Variants in SPAG16 observed in about 807,000 individuals in gnomAD.
The protein encoded by SPAG16 is sperm-associated antigen 16 protein.
SPAG16 carries 86 observed loss-of-function variants against 80.4 expected under a neutral mutation model. That is an observed-to-expected ratio of 1.07 (90% confidence interval 0.90 to 1.28). The LOEUF is 1.28. Ranked by LOEUF, SPAG16 falls within the 50% of genes most tolerant of loss-of-function variation. The pLI, the probability that SPAG16 is intolerant of heterozygous loss-of-function variation, is 0.00. For missense variants in SPAG16, 870 were observed against 765.3 expected, an observed-to-expected ratio of 1.14 and a Z score of -1.61; for synonymous variants, 294 against 265.9, an observed-to-expected ratio of 1.11 and a Z score of -1.03.
intron 10 of SPAG16, among the ~76,000 whole-genome samples, chr2:213,668,335 A>G (rs1052958296): frequency 1.3e-5 from 2 of 151,462 alleles, no homozygotes; most frequent in African/African-American, 4.9e-5. Flanking sequence ...TTTGAAATAC[A>G]TAGACTATTG....
chr2:214,196,048 A>T (rs2057827498), intron 15 of SPAG16, among the ~76,000 whole-genome samples: 1 of 151,988 alleles, frequency 6.6e-6, no homozygotes, highest in African/African-American at 2.4e-5. Flanking sequence ...CAGAACCAGA[A>T]TCGCCCATAT....
intron 7 of SPAG16, among the ~76,000 whole-genome samples, chr2:213,356,436 G>T (rs956708922): frequency 6.6e-6 from 1 of 152,190 alleles, no homozygotes; most frequent in East Asian, 1.9e-4. Context: ...CCTGTGATTG[G>T]TCAATTCAGA....
At chr2:213,780,812 T>C (rs1399683399) in intron 10 of SPAG16, among the ~76,000 whole-genome samples, 2 of 152,148 alleles carry the variant, frequency 1.3e-5, no homozygotes, top group African/African-American at 4.8e-5. Context: ...TTATAAATAC[T>C]TGGCTATCTA....
At chr2:214,029,889 C>T (rs1285788444) in intron 13 of SPAG16, among the ~76,000 whole-genome samples, 1 of 152,142 alleles carries the variant, frequency 6.6e-6, no homozygotes, top group Non-Finnish European at 1.5e-5. Context: ...TGAATTTGGA[C>T]ATATGCATAA....
At chr2:213,548,396 A>T (rs938908231) in intron 10 of SPAG16, among the ~76,000 whole-genome samples, 6 of 152,074 alleles carry the variant, frequency 3.9e-5, no homozygotes, top group Non-Finnish European at 5.9e-5. Flanking sequence ...TATTTTTAGT[A>T]GAGACGGGGT....
At chr2:213,971,121 A>G (rs1365559702) in intron 12 of SPAG16, among the ~76,000 whole-genome samples, 1 of 152,186 alleles carries the variant, frequency 6.6e-6, no homozygotes, top group Admixed American at 6.5e-5. Flanking sequence ...TTCTTCCACT[A>G]AAGTTATATA....
At chr2:213,792,670 G>A (rs981322574) in intron 10 of SPAG16, among the ~76,000 whole-genome samples, 22 of 128,660 alleles carry the variant, frequency 1.7e-4, no homozygotes, top group South Asian at 2.6e-4. Context: ...TGCAACCTCC[G>A]CCTCCTGGGT....
chr2:214,369,619 C>T (rs1053850474), intron 15 of SPAG16, among the ~76,000 whole-genome samples: 1 of 152,076 alleles, frequency 6.6e-6, no homozygotes, highest in Non-Finnish European at 1.5e-5. Context: ...TATGCCCCCA[C>T]ACCTGGTTCC....
chr2:213,895,556 A>G (rs2076961096), intron 11 of SPAG16, among the ~76,000 whole-genome samples: 2 of 152,186 alleles, frequency 1.3e-5, no homozygotes, highest in African/African-American at 4.8e-5. Flanking sequence ...TGGTAAAAAT[A>G]GACTCATAAA....
rs1293868708 is a variant in SPAG16, at chr2:214,275,355, G to C, written c.1720+126089G>C. On this transcript the variant is annotated intron_variant, in intron 15 of 15. Coordinates refer to ENST00000331683, the MANE Select transcript of SPAG16 (RefSeq NM_024532.5). ...TTCTGCTAGCTTTTGAATTTGTTTG[G>C]CCTTGCTTCTCTAGTTCTCTTAATT... is the stretch of plus-strand genomic sequence containing the variant. Among the ~76,000 whole-genome samples the C allele has an allele frequency of 4.0e-5, 6 of 151,802 alleles. No homozygotes were observed. The East Asian group carries it at 1.2e-3, about 29-fold the overall frequency.
chr2:213,936,049 T>C (rs371125143), intron 12 of SPAG16, among the ~76,000 whole-genome samples: 89 of 152,226 alleles, frequency 5.8e-4, no homozygotes, highest in African/African-American at 2.1e-3. Context: ...AGGGTTGCAA[T>C]TTTAAACAGG....
intron 10 of SPAG16, among the ~76,000 whole-genome samples, chr2:213,535,872 T>C (rs531198556): frequency 2.0e-5 from 3 of 152,264 alleles, no homozygotes; most frequent in East Asian, 1.9e-4. Flanking sequence ...ATGTGGATAG[T>C]TGAACATATT....
Position 213,474,716 on chromosome 2 carries a change from T to C in SPAG16, c.943-15247T>C, listed in dbSNP as rs545305519. Among the ~76,000 whole-genome samples, 7 of 152,264 alleles carry C rather than the reference T, an allele frequency of 4.6e-5. No individual in the cohort carries two copies. In the South Asian group the frequency reaches 1.5e-3, roughly 32 times the overall value. On this transcript the variant is annotated intron_variant, in intron 9 of 15. Coordinates refer to ENST00000331683, the MANE Select transcript of SPAG16 (RefSeq NM_024532.5). ...AATGAAAGAACTCTATCCTTAATATTCTGTTCCTCTAGAACCACTCCTGGT... is the reference window on the plus strand; with the variant it reads ...AATGAAAGAACTCTATCCTTAATATCCTGTTCCTCTAGAACCACTCCTGGT...
intron 15 of SPAG16, among the ~76,000 whole-genome samples, chr2:214,282,909 C>G (rs1473036561): frequency 6.6e-6 from 1 of 151,966 alleles, no homozygotes; most frequent in Non-Finnish European, 1.5e-5. Flanking sequence ...GTGGAAGAAG[C>G]CTTTACCTTC....
chr2:214,094,465 GA>G (rs990431573), intron 13 of SPAG16, among the ~76,000 whole-genome samples: 1 of 152,098 alleles, frequency 6.6e-6, no homozygotes, highest in African/African-American at 2.4e-5. Flanking sequence ...TGGAGCCTCA[GA>G]AATCCTTTTT....
At chr2:214,110,207 G>C (rs1215371238) in intron 14 of SPAG16, among the ~76,000 whole-genome samples, 3 of 152,008 alleles carry the variant, frequency 2.0e-5, no homozygotes, top group Admixed American at 6.6e-5. Context: ...TGTTACATAG[G>C]TATACATGTG....
intron 10 of SPAG16, among the ~76,000 whole-genome samples, chr2:213,702,057 T>C (rs2065457154): frequency 1.3e-5 from 2 of 151,908 alleles, no homozygotes; most frequent in South Asian, 4.2e-4. Context: ...CTAGCTAATC[T>C]AGTGGGGACT....
At position 213,792,411 on chromosome 2, in the gene SPAG16, C is replaced by A. The variant is rs1338749935; in HGVS notation, c.1071-70074C>A. ...AAAGTGCTACAAAATTTTCAACTTA[C>A]ATTTGCCTCACACTGCCTAATAAGC... On this transcript the variant is annotated intron_variant, in intron 10 of 15. Coordinates refer to ENST00000331683, the MANE Select transcript of SPAG16 (RefSeq NM_024532.5). 2.0e-5 allele frequency among the ~76,000 whole-genome samples: 3 copies of A among 152,064 alleles called. 1 individual carries two copies. In the South Asian group the frequency reaches 6.2e-4, roughly 32 times the overall value.
At chr2:213,731,179 G>A (rs1253903435) in intron 10 of SPAG16, among the ~76,000 whole-genome samples, 1 of 58,288 alleles carries the variant, frequency 1.7e-5, no homozygotes, top group African/African-American at 5.3e-5. Context: ...TTTTTGAGTT[G>A]GAGTTTTGCT....
Sources: gnomAD v4.1 joint callset for allele counts (sites outside exome capture counted in the v4.1 genomes callset) on GRCh38, gnomAD v4.1.1 for gene constraint, MANE v1.5 for transcripts, NCBI Gene and HGNC (gene_info 2026-07-23, HGNC 2026-07-21) for gene names.